Variants in EIF4B observed in about 807,000 individuals in gnomAD.
EIF4B encodes the protein eukaryotic translation initiation factor 4B.
EIF4B carries 8 observed loss-of-function variants against 79.3 expected under a neutral mutation model. That is an observed-to-expected ratio of 0.10 (90% CI 0.06 to 0.18). The LOEUF is 0.18. EIF4B is among the 10% of genes least tolerant of loss of function. EIF4B has a pLI of 1.00. For missense variants in EIF4B, 515 were observed against 792.4 expected (o/e 0.65, Z 4.20); for synonymous variants, 238 against 274.7 (o/e 0.87, Z 1.32).
chr12:53,029,539 C>T (rs1474230909), intron 8 of EIF4B, among the ~76,000 whole-genome samples: 1 of 152,080 alleles, frequency 6.6e-6, no homozygotes, highest in Non-Finnish European at 1.5e-5. Flanking sequence ...CCATGCCCAG[C>T]TAATTTTTGT....
chr12:53,009,067 T>A (rs1943018798), intron 1 of EIF4B, among the ~76,000 whole-genome samples: 2 of 152,168 alleles, frequency 1.3e-5, no homozygotes, highest in Admixed American at 1.3e-4. Flanking sequence ...AAGTTTTTCA[T>A]TTTTCTTAAA....
rs568115284 is a variant in EIF4B at position 53,035,017 on chromosome 12, T to C, written c.1306+308T>C. 5.9e-5 allele frequency among the ~76,000 whole-genome samples: 9 copies of C among 151,624 alleles called. No homozygotes were observed. The South Asian group carries it at 1.9e-3, about 32-fold the overall frequency. The stretch of plus-strand genomic sequence containing the variant: ...TTTATGTCTTGACATCTTTGAATGT[T>C]GTTTATTCAGAACAGTCAACGGCTT... On this transcript the variant is annotated intron_variant, in intron 10 of 14. Coordinates refer to ENST00000262056, the MANE Select transcript of EIF4B (RefSeq NM_001417.7).
At chr12:53,039,905 G>A in intron 14 of EIF4B, 1 of 749,278 alleles carries the variant, frequency 1.3e-6, no homozygotes, top group Non-Finnish European at 2.1e-6. Flanking sequence ...CCTGGTTTCT[G>A]TCTTCCTTTG....
chr12:53,019,476 A>G (rs1421228592), intron 3 of EIF4B, among the ~76,000 whole-genome samples: 3 of 4,816 alleles, frequency 6.2e-4, no homozygotes, highest in Non-Finnish European at 1.5e-3. Context: ...TTTTTTTTTG[A>G]GACAGAGTCT....
rs958317254 is a variant in EIF4B, at chr12:53,028,907, T to G, written c.979+719T>G. Reference sequence around the variant, plus strand: ...TTGGAAGGCCAAGGTGGGCAGATCATTTGAGGTCAAGAGTTCGAGACCAGC... The same window carrying G: ...TTGGAAGGCCAAGGTGGGCAGATCAGTTGAGGTCAAGAGTTCGAGACCAGC... On this transcript the variant is annotated intron_variant, in intron 8 of 14. Transcript: ENST00000262056. Among the ~76,000 whole-genome samples the G allele has an allele frequency of 2.0e-5, 3 of 152,122 alleles. No individual in the cohort carries two copies. In the South Asian group the frequency reaches 6.2e-4, roughly 32 times the overall value.
rs1486698995 is a variant in EIF4B at position 53,037,633 on chromosome 12, T to G, written c.1520+11T>G. On this transcript the variant is annotated intron_variant, in intron 11 of 14. Coordinates refer to ENST00000262056, the MANE Select transcript of EIF4B (RefSeq NM_001417.7). ...GCAGTCCCCTACAAGGTGAGTCAGT[T>G]TGGAAACAGTAGTTGGTTAACTGCA... 1 of 1,613,312 alleles carries G rather than the reference T, an allele frequency of 6.2e-7. No homozygotes were observed. Among genetic ancestry groups the G allele is most frequent in the African/African-American group, 1.3e-5 (1 of 74,892 alleles).
chr12:53,030,825 G>T (rs1178911746), intron 8 of EIF4B, among the ~76,000 whole-genome samples: 2 of 152,052 alleles, frequency 1.3e-5, no homozygotes, highest in East Asian at 1.9e-4. Flanking sequence ...TACAAGTATT[G>T]TTTAATTCTA....
chr12:53,025,619 A>T (rs1419726567), intron 6 of EIF4B, among the ~76,000 whole-genome samples: 1 of 152,118 alleles, frequency 6.6e-6, no homozygotes, highest in Non-Finnish European at 1.5e-5. Context: ...AGAAATTAAA[A>T]CCACATTTCA....
At chr12:53,039,079 T>C in intron 12 of EIF4B, 159 bp from the exon 13 acceptor site, 1 of 579,882 alleles carries the variant, frequency 1.7e-6, no homozygotes, top group South Asian at 2.1e-5. Flanking sequence ...CTGTAGAGGA[T>C]GTGGAAAGAA....
At position 53,020,133 on chromosome 12, in the gene EIF4B, A is replaced by G. The variant is rs1592218624; in HGVS notation, c.477+107A>G. ...TGAGAGGCTCACTTCAAAGATTCCC[A>G]TATCTACAAATAAAGGCCTGCATTA... On this transcript the variant is annotated intron_variant, in intron 4 of 14. Transcript: ENST00000262056. The G allele has an allele frequency of 8.5e-5, 71 of 833,794 alleles. No individual in the cohort carries two copies. In the South Asian group the frequency reaches 1.2e-3, roughly 14 times the overall value. The allele number at this position is 833,794 out of a possible 1,614,324, so 51.6% of individuals were successfully genotyped here.
chr12:53,016,312 T>C (rs904950271), intron 1 of EIF4B, among the ~76,000 whole-genome samples, 161 bp from the exon 2 acceptor site: 14 of 152,234 alleles, frequency 9.2e-5, no homozygotes, highest in African/African-American at 3.4e-4. Flanking sequence ...AAATTTCTTA[T>C]TTATGTCTGC....
chr12:53,032,386 T>C (rs148035079), intron 8 of EIF4B, among the ~76,000 whole-genome samples: 1 of 152,114 alleles, frequency 6.6e-6, no homozygotes, highest in Non-Finnish European at 1.5e-5. Flanking sequence ...TGAGTTGAGA[T>C]CACACCACTG....
chr12:53,022,588 G>A lies in EIF4B; in HGVS notation c.628G>A (p.Asp210Asn). The A allele has an allele frequency of 6.2e-7, 1 of 1,613,872 alleles. No homozygotes were observed. The highest frequency in any genetic ancestry group is 8.5e-7 in the Non-Finnish European group (1 of 1,179,898). ...RARPATDSFD[D>N]YPPRRGDDSF... ...TCGTCCTGCTACAGACAGCTTTGAT[G>A]ACTACCCACCTAGAAGAGGTGATGA... The change falls in exon 6 of 15, where the codon GAC becomes AAC. Residue 210 changes from aspartate (D) to asparagine (N), a missense_variant. Physicochemically the swap from Asp to Asn is conservative, Grantham distance 23 (BLOSUM62 1). Around this residue, in one of 6 missense-constraint regions of EIF4B, gnomAD observed 187 missense variants for 256.5 expected, o/e 0.73. Transcript: ENST00000262056.
intron 2 of EIF4B, among the ~76,000 whole-genome samples, chr12:53,018,225 G>A (rs2120910733): frequency 6.6e-6 from 1 of 152,292 alleles, no homozygotes; most frequent in East Asian, 1.9e-4. Flanking sequence ...CTGACCTCAG[G>A]TGATCACCCA....
Position 53,033,830 on chromosome 12 carries a change from A to T in EIF4B, c.1004A>T (p.Asn335Ile). The T allele has an allele frequency of 6.2e-7, 1 of 1,606,176 alleles. No individual in the cohort carries two copies. The highest frequency in any genetic ancestry group is 8.5e-7 in the Non-Finnish European group (1 of 1,176,172). The change falls in exon 9 of 15, where the codon AAT becomes ATT. Residue 335 changes from asparagine to isoleucine, a missense_variant. By Grantham distance (149) the Asn-to-Ile change is moderately radical. Coordinates refer to ENST00000262056, the MANE Select transcript of EIF4B (RefSeq NM_001417.7). ...GGTCCCCCCCAAAGACCCAAACTGAATCTAAAGCCTCGGAGTACTCCTAAG... is the reference window on the plus strand; with the variant it reads ...GGTCCCCCCCAAAGACCCAAACTGATTCTAAAGCCTCGGAGTACTCCTAAG... ...DRGPPQRPKL[N>I]LKPRSTPKED...
At chr12:53,007,173 C>G (rs1362601823) in intron 1 of EIF4B, among the ~76,000 whole-genome samples, 1 of 152,082 alleles carries the variant, frequency 6.6e-6, no homozygotes, top group Non-Finnish European at 1.5e-5. Flanking sequence ...TGCCTGTATT[C>G]TTCTAAGGGT....
chr12:53,015,704 G>A (rs1442293194), intron 1 of EIF4B, among the ~76,000 whole-genome samples: 1 of 148,522 alleles, frequency 6.7e-6, no homozygotes, highest in Non-Finnish European at 1.5e-5. Context: ...GGGGCCGGGT[G>A]TGGCGGTTCA....
rs1312394032 is a variant in EIF4B, at chr12:53,042,161, G to T, written c.*1938G>T. ...TCTTGATGTAAAATCCCATCCTTTG[G>T]GTTGTGGGTTTTTTGTTTTCTCCAA... On this transcript the variant is annotated 3_prime_UTR_variant, in exon 15 of 15. Transcript: ENST00000262056. 1.3e-5 allele frequency: 2 copies of T among 152,484 alleles called. No individual in the cohort carries two copies. The highest frequency in any genetic ancestry group is 4.8e-5 in the African/African-American group (2 of 41,398). The allele number at this position is 152,484 out of a possible 1,614,324, so 9.4% of individuals were successfully genotyped here. A position where few individuals can be genotyped will look rare whatever the true frequency, so the allele number is the denominator to read the frequency against.
Position 53,018,858 on chromosome 12 carries a change from C to T in EIF4B, c.212C>T (p.Ser71Phe), listed in dbSNP as rs1465899726. ...DVYRAPPIDR[S>F]ILPTAPRAAR... The stretch of plus-strand genomic sequence containing the variant: ...TATAGGGCGCCTCCAATTGACCGTT[C>T]CATCCTTCCCACTGCTCCACGGGCT... The change falls in exon 3 of 15, where the codon TCC becomes TTC. Residue 71 changes from serine (S) to phenylalanine (F), a missense_variant. Physicochemically the swap from Ser to Phe is radical, Grantham distance 155 (BLOSUM62 -2). Around this residue, in one of 6 missense-constraint regions of EIF4B, gnomAD observed 105 missense variants for 177.2 expected, o/e 0.59. Transcript: ENST00000262056. 6.2e-7 allele frequency: 1 copy of T among 1,613,730 alleles called. No homozygotes were observed. The highest frequency in any genetic ancestry group is 1.1e-5 in the South Asian group (1 of 91,068).
Sources: gnomAD v4.1 joint callset for allele counts (sites outside exome capture counted in the v4.1 genomes callset) on GRCh38, gnomAD v4.1.1 for gene constraint, gnomAD v4.1.1 regional missense constraint, MANE v1.5 for transcripts, NCBI Gene and HGNC (gene_info 2026-07-23, HGNC 2026-07-21) for gene names.